Variants in TRPM3 observed in about 807,000 individuals in gnomAD.
TRPM3 encodes the protein transient receptor potential cation channel subfamily M member 3, also known as long transient receptor potential channel 3.
Under a neutral mutation model 181.2 loss-of-function variants are expected in TRPM3, and 77 were observed. The observed-to-expected ratio is 0.42, with a 90% CI of 0.35 to 0.51. The LOEUF (loss-of-function observed/expected upper bound fraction) is 0.51. TRPM3 is among the 20% of genes least tolerant of loss of function. TRPM3 has a pLI of 0.01. For synonymous variants in TRPM3, 745 were observed against 796.4 expected, an observed-to-expected ratio of 0.94 and a Z score of 1.09; for missense variants, 1,759 against 2,196.7, an observed-to-expected ratio of 0.80 and a Z score of 3.98.
At chr9:70,756,275 G>A (rs1448705946) in intron 8 of TRPM3, among the ~76,000 whole-genome samples, 1 of 151,544 alleles carries the variant, frequency 6.6e-6, no homozygotes, top group Non-Finnish European at 1.5e-5. Flanking sequence ...AGGGATCAAT[G>A]CAACAAGACA....
At chr9:70,630,014 G>A (rs1195735566) in intron 12 of TRPM3, among the ~76,000 whole-genome samples, 1 of 152,212 alleles carries the variant, frequency 6.6e-6, no homozygotes, top group African/African-American at 2.4e-5. Flanking sequence ...ATACTAAGCT[G>A]GGCCAATGGC....
At chr9:70,983,227 C>A (rs1352305903) in intron 1 of TRPM3, among the ~76,000 whole-genome samples, 1 of 152,028 alleles carries the variant, frequency 6.6e-6, no homozygotes, top group Non-Finnish European at 1.5e-5. Flanking sequence ...CCTATCACCC[C>A]CATCATACTT....
chr9:71,289,972 G>A (rs75789428), intron 1 of TRPM3, among the ~76,000 whole-genome samples: 8,769 of 151,118 alleles, frequency 0.058, 832 homozygotes, highest in African/African-American at 0.2. Flanking sequence ...GATGTGATGG[G>A]TATCTCATTT....
chr9:70,805,224 G>T (rs1003094835), intron 6 of TRPM3, among the ~76,000 whole-genome samples: 3 of 150,122 alleles, frequency 2.0e-5, no homozygotes, highest in Non-Finnish European at 4.4e-5. Flanking sequence ...AGAGACTGGG[G>T]TGGGGGAGGT....
At chr9:71,441,311 A>G (rs1287075907) in intron 1 of TRPM3, among the ~76,000 whole-genome samples, 1 of 151,554 alleles carries the variant, frequency 6.6e-6, no homozygotes, top group Non-Finnish European at 1.5e-5. Context: ...TCCCTTTTTT[A>G]TTTTTTTAAC....
At chr9:70,941,772 G>A (rs959549638) in intron 1 of TRPM3, among the ~76,000 whole-genome samples, 1 of 152,148 alleles carries the variant, frequency 6.6e-6, no homozygotes, top group African/African-American at 2.4e-5. Flanking sequence ...TGTACCAAAT[G>A]AACATCTGGA....
chr9:70,564,715 T>C lies in TRPM3; in HGVS notation c.3224-11405A>G, dbSNP rs1037813673. Among the ~76,000 whole-genome samples the C allele has an allele frequency of 2.0e-4, 30 of 152,112 alleles. 1 individual carries two copies. Among genetic ancestry groups the C allele is most frequent in the Non-Finnish European group, 1.5e-5 (1 of 68,018 alleles). ...ATGTGTAAATGCACATCAGGGGACA[T>C]GAGGCTACACCACCTCCAAAGAAAT... On this transcript the variant is annotated intron_variant, in intron 22 of 25. Coordinates refer to ENST00000677713, the MANE Select transcript of TRPM3 (RefSeq NM_001366145.2).
At chr9:70,946,597 A>G (rs2096936046) in intron 1 of TRPM3, among the ~76,000 whole-genome samples, 1 of 152,136 alleles carries the variant, frequency 6.6e-6, no homozygotes, top group Non-Finnish European at 1.5e-5. Context: ...GACTTTTTAA[A>G]GCTTTTAAAT....
chr9:71,195,312 A>G (rs1347037816), intron 1 of TRPM3, among the ~76,000 whole-genome samples: 1 of 152,120 alleles, frequency 6.6e-6, no homozygotes, highest in Non-Finnish European at 1.5e-5. Context: ...TTACAAGAAA[A>G]AAACATAAAA....
chr9:71,045,881 T>C (rs2059373641), intron 1 of TRPM3, among the ~76,000 whole-genome samples: 2 of 152,114 alleles, frequency 1.3e-5, no homozygotes, highest in Non-Finnish European at 1.5e-5. Flanking sequence ...TTTGGAAAAT[T>C]AGGCAAACAA....
At chr9:70,922,065 C>A (rs530331803) in intron 1 of TRPM3, among the ~76,000 whole-genome samples, 1 of 152,180 alleles carries the variant, frequency 6.6e-6, no homozygotes, top group East Asian at 1.9e-4. Context: ...GAGAGTAACT[C>A]ATTCTCTTTC....
chr9:70,862,923 A>G lies in TRPM3; in HGVS notation c.447T>C (p.His149=). The G allele has an allele frequency of 6.2e-7, 1 of 1,613,406 alleles. No homozygotes were observed. Among genetic ancestry groups the G allele is most frequent in the Non-Finnish European group, 8.5e-7 (1 of 1,179,540 alleles). Residue 149 remains histidine, a synonymous_variant, in exon 3 of 26, where the codon CAT becomes CAC. Transcript: ENST00000677713. ...TTCTGATTACCATGGCTTTGTTGGA[A>G]TGGCCACCTCCTTGGAACTCAATGG... is the stretch of plus-strand genomic sequence containing the variant. ...FGTIEFQGGG[H]SNKAMYVRVS... is the part of the protein sequence containing the mutation.
At chr9:70,864,538 A>AAAAAAAAAAAAAAAAAAAAAAAAG (rs375135324) in intron 1 of TRPM3, 27 bp from the exon 2 acceptor site, 7 of 1,433,878 alleles carry the variant, frequency 4.9e-6, no homozygotes, top group African/African-American at 1.5e-5. Context: ...AAAAAAAAAA[A>AAAAAAAAAAAAAAAAAAAAAAAAG]AAAGAAAAAA....
In TRPM3 at chr9:70,982,486, C is replaced by T. The variant is rs2097373060; in HGVS notation, c.178-117975G>A. ...ATTATCTAAGATTTCAGTCCCTCTC[C>T]TCCAGTCTCCTCAAGAACCTGAGGT... On this transcript the variant is annotated intron_variant, in intron 1 of 25. Transcript: ENST00000677713. 2.0e-5 allele frequency among the ~76,000 whole-genome samples: 3 copies of T among 152,296 alleles called. No homozygotes were observed. The South Asian group carries it at 6.2e-4, about 32-fold the overall frequency.
chr9:71,192,852 CCCCCTATGTTTTCTTCTAGTAGTTT>C (rs1409207968), intron 1 of TRPM3, among the ~76,000 whole-genome samples: 2 of 151,694 alleles, frequency 1.3e-5, no homozygotes, highest in African/African-American at 2.4e-5. Context: ...TGTAGAATTT[CCCCCTATGTTTTCTTCTAGTAGTTT>C]TAGATGGATA....
At chr9:71,440,473 T>C (rs544250700) in intron 1 of TRPM3, among the ~76,000 whole-genome samples, 1 of 152,364 alleles carries the variant, frequency 6.6e-6, no homozygotes, top group East Asian at 1.9e-4. Flanking sequence ...CTTTCCAAAT[T>C]GCAAAATCCA....
chr9:71,290,373 T>C (rs1249405725), intron 1 of TRPM3, among the ~76,000 whole-genome samples: 2 of 152,134 alleles, frequency 1.3e-5, no homozygotes, highest in Non-Finnish European at 2.9e-5. Flanking sequence ...AAAAGAATTA[T>C]ATTGAATATT....
chr9:71,234,740 G>A (rs939010590), intron 1 of TRPM3, among the ~76,000 whole-genome samples: 1 of 152,152 alleles, frequency 6.6e-6, no homozygotes, highest in South Asian at 2.1e-4. Flanking sequence ...CTGAGGTAGT[G>A]AAGATTAGGA....
chr9:70,876,586 T>G (rs896809298), intron 1 of TRPM3, among the ~76,000 whole-genome samples: 5 of 151,904 alleles, frequency 3.3e-5, no homozygotes, highest in Admixed American at 6.6e-5. Context: ...TAGTTTCCAA[T>G]TTGTTTCTGT....
Sources: allele counts gnomAD v4.1 joint callset (sites outside exome capture counted in the v4.1 genomes callset), GRCh38; gene constraint gnomAD v4.1.1; transcripts MANE v1.5; gene names NCBI Gene and HGNC (gene_info 2026-07-23, HGNC 2026-07-21).